The following SCD5 variants were observed in gnomAD, a reference collection of about 807,000 sequenced individuals.
SCD5 encodes stearoyl-CoA desaturase 5.
Under a neutral mutation model 30.4 loss-of-function variants are expected in SCD5, and 20 were observed. The ratio of observed to expected loss-of-function variants is 0.66; its 90% CI spans 0.46 to 0.96. SCD5 has a LOEUF of 0.96. SCD5 is among the 40% of genes least tolerant of loss of function. The pLI, the probability that SCD5 is intolerant of heterozygous loss-of-function variation, is 0.00. For missense variants in SCD5, 381 were observed against 443.3 expected (o/e 0.86, Z 1.26); for synonymous variants, 173 against 176.4 (o/e 0.98, Z 0.16).
At chr4:82,664,368 A>G (rs1243178642) in intron 3 of SCD5, among the ~76,000 whole-genome samples, 1 of 152,130 alleles carries the variant, frequency 6.6e-6, no homozygotes, top group African/African-American at 2.4e-5. Context: ...CATAAATAAT[A>G]TTTACCTTGG....
chr4:82,724,334 A>G (rs1362491969), intron 1 of SCD5, among the ~76,000 whole-genome samples: 1 of 152,222 alleles, frequency 6.6e-6, no homozygotes, highest in Non-Finnish European at 1.5e-5. Context: ...ACCTTGCTTT[A>G]GGCCAGGCAT....
chr4:82,738,632 C>A (rs1720804599), intron 1 of SCD5, among the ~76,000 whole-genome samples: 1 of 152,186 alleles, frequency 6.6e-6, no homozygotes, highest in Non-Finnish European at 1.5e-5. Flanking sequence ...CAACTCCTGG[C>A]CACAACTATG....
chr4:82,690,013 A>G, intron 2 of SCD5, among the ~76,000 whole-genome samples: 1 of 152,236 alleles, frequency 6.6e-6, no homozygotes, highest in East Asian at 1.9e-4. Flanking sequence ...AAAATTAAAA[A>G]AACAAGGAAC....
intron 1 of SCD5, among the ~76,000 whole-genome samples, chr4:82,769,639 G>T (rs539780335): frequency 6.6e-6 from 1 of 152,230 alleles, no homozygotes; most frequent in South Asian, 2.1e-4. Context: ...CTGCAAAGTG[G>T]TTAAAAATGC....
chr4:82,674,622 G>A (rs58513810), intron 3 of SCD5, among the ~76,000 whole-genome samples: 1,777 of 152,214 alleles, frequency 0.012, 36 homozygotes, highest in African/African-American at 0.041. Flanking sequence ...GTGCTCCTTG[G>A]TATTTACCCA....
chr4:82,759,494 TCCCCCTCAGACAAG>T (rs1428238127), intron 1 of SCD5, among the ~76,000 whole-genome samples: 1 of 151,672 alleles, frequency 6.6e-6, no homozygotes, highest in Non-Finnish European at 1.5e-5. Flanking sequence ...CACTTACACT[TCCCCCTCAGACAAG>T]CTCCCTCAAC....
intron 2 of SCD5, among the ~76,000 whole-genome samples, chr4:82,693,822 T>C (rs1719620208): frequency 6.6e-6 from 1 of 152,146 alleles, no homozygotes; most frequent in Non-Finnish European, 1.5e-5. Context: ...AGAGGCTGTA[T>C]AGACACAGCC....
chr4:82,651,615 T>TA (rs1183009520), intron 3 of SCD5, among the ~76,000 whole-genome samples: 2 of 152,006 alleles, frequency 1.3e-5, no homozygotes, highest in African/African-American at 2.4e-5. Context: ...CCGATTGAAA[T>TA]AAAAAATTAA....
chr4:82,697,609 T>A (rs1379783566), intron 2 of SCD5, among the ~76,000 whole-genome samples: 6 of 152,210 alleles, frequency 3.9e-5, no homozygotes, highest in Admixed American at 2.0e-4. Context: ...AAGTAAGGCA[T>A]CTTAGGGGTG....
At chr4:82,750,023 C>T (rs946130568) in intron 1 of SCD5, among the ~76,000 whole-genome samples, 2 of 152,164 alleles carry the variant, frequency 1.3e-5, no homozygotes, top group African/African-American at 4.8e-5. Context: ...AAGTTACTTC[C>T]CTGTGCCTTG....
intron 1 of SCD5, among the ~76,000 whole-genome samples, chr4:82,747,072 C>CCCCCG (rs1019360039): frequency 6.8e-6 from 1 of 146,164 alleles, no homozygotes; most frequent in Non-Finnish European, 1.6e-5. Context: ...GCAACCTGCC[C>CCCCCG]CCCAAGAAAG....
At chr4:82,731,474 C>T (rs1336441555) in intron 1 of SCD5, among the ~76,000 whole-genome samples, 2 of 152,242 alleles carry the variant, frequency 1.3e-5, no homozygotes, top group Non-Finnish European at 2.9e-5. Context: ...CAGGACCAGA[C>T]TTGGGCTGGG....
intron 3 of SCD5, among the ~76,000 whole-genome samples, chr4:82,664,835 C>CT (rs1378070952): frequency 6.6e-6 from 1 of 151,506 alleles, no homozygotes; most frequent in Non-Finnish European, 1.5e-5. Context: ...TAATTAGAGT[C>CT]CCAGAAGAAG....
At position 82,631,649 on chromosome 4, in the gene SCD5, G is replaced by C. The variant is rs1577996701; in HGVS notation, c.803-132C>G. ...GCCTCTGTGAGGAGCAAAAGACTTG[G>C]TTACTGACTCCAAAGGCATTGACTT... On this transcript the variant is annotated intron_variant, in intron 4 of 4. Transcript: ENST00000319540. 3.4e-6 allele frequency: 3 copies of C among 870,390 alleles called. No individual in the cohort carries two copies. The East Asian group carries it at 8.1e-5, about 23-fold the overall frequency. 53.9% of individuals were successfully genotyped at this position (870,390 alleles called of 1,614,324 possible).
At chr4:82,744,612 T>C (rs1285097617) in intron 1 of SCD5, among the ~76,000 whole-genome samples, 2 of 152,222 alleles carry the variant, frequency 1.3e-5, no homozygotes, top group African/African-American at 2.4e-5. Flanking sequence ...TCAGACTTCA[T>C]GCCGGGAAGT....
intron 3 of SCD5, among the ~76,000 whole-genome samples, chr4:82,679,244 G>GAA (rs1329052046): frequency 9.7e-6 from 1 of 103,028 alleles, no homozygotes; most frequent in Non-Finnish European, 2.0e-5. Context: ...AAGAAAGAAA[G>GAA]AAAGAAAGAA....
chr4:82,791,416 A>G (rs933014770), intron 1 of SCD5, among the ~76,000 whole-genome samples: 2 of 111,760 alleles, frequency 1.8e-5, no homozygotes, highest in African/African-American at 3.5e-5. Context: ...ATAAAATTGG[A>G]AAAAAAAAAA....
intron 1 of SCD5, among the ~76,000 whole-genome samples, chr4:82,717,037 C>T (rs986015448): frequency 2.6e-5 from 4 of 151,584 alleles, no homozygotes; most frequent in African/African-American, 9.8e-5. Context: ...AATACTATGC[C>T]ATTTCATATA....
intron 2 of SCD5, among the ~76,000 whole-genome samples, chr4:82,695,977 A>C (rs1233429413): frequency 1.3e-5 from 2 of 152,226 alleles, no homozygotes; most frequent in Non-Finnish European, 2.9e-5. Context: ...ACACAAGTCT[A>C]GCCAGCTCTA....
Sources: gnomAD v4.1 joint callset for allele counts (sites outside exome capture counted in the v4.1 genomes callset) on GRCh38, gnomAD v4.1.1 for gene constraint, MANE v1.5 for transcripts, NCBI Gene and HGNC (gene_info 2026-07-23, HGNC 2026-07-21) for gene names.